Variants in ADGRL3 observed in about 807,000 individuals in gnomAD.
ADGRL3 encodes the protein adhesion G protein-coupled receptor L3.
A neutral mutation model predicts 153.5 loss-of-function variants in ADGRL3; 62 were observed. The observed-to-expected ratio is 0.40, with a 90% CI of 0.33 to 0.50. The LOEUF is 0.50. Among genes scored for constraint, ADGRL3 ranks in the 20% least tolerant of loss-of-function variants. The probability of loss-of-function intolerance (pLI) is 0.47; values close to 1 mark genes in which losing one functional copy is unlikely to be tolerated. For synonymous variants in ADGRL3, 710 were observed against 672.5 expected (o/e 1.06, Z -0.86); for missense variants, 1,641 against 1,859.4 (o/e 0.88, Z 2.16).
At chr4:61,481,441 C>CT in intron 2 of ADGRL3, among the ~76,000 whole-genome samples, 1 of 152,054 alleles carries the variant, frequency 6.6e-6, no homozygotes, top group South Asian at 2.1e-4. Flanking sequence ...TGTACATGTC[C>CT]TTCATGTGGG....
Position 61,727,750 on chromosome 4 carries a change from A to G in ADGRL3, c.584-2872A>G, listed in dbSNP as rs1470437967. 2.0e-5 allele frequency among the ~76,000 whole-genome samples: 3 copies of G among 152,278 alleles called. No homozygotes were observed. The East Asian group carries it at 5.8e-4, about 29-fold the overall frequency. On this transcript the variant is annotated intron_variant, in intron 6 of 26. Transcript: ENST00000683033. ...GCTTATAAATTTTACTTTCTTCCCC[A>G]CCCATTAAAATACACAGACATTATG...
chr4:61,326,367 A>G (rs964944687), intron 1 of ADGRL3, among the ~76,000 whole-genome samples: 14 of 152,068 alleles, frequency 9.2e-5, no homozygotes, highest in African/African-American at 3.4e-4. Flanking sequence ...AGATCTTTCA[A>G]TATAAAAAAG....
At position 62,039,706 on chromosome 4, in the gene ADGRL3, GC is replaced by G. The variant is rs1171777427; in HGVS notation, c.3717+1854del. Among the ~76,000 whole-genome samples, 61 of 152,072 alleles carry G rather than the reference GC, an allele frequency of 4.0e-4. 2 individuals carry two copies. Among genetic ancestry groups the G allele is most frequent in the Non-Finnish European group, 1.2e-4 (8 of 67,994 alleles). ...GACCAGGATGATGCTTATAGCATGA[GC>G]CCCTTTTATAATTAATGCCTTTATT... On this transcript the variant is annotated intron_variant, in intron 24 of 26. Transcript: ENST00000683033.
chr4:62,061,520 T>C (rs77882129), intron 25 of ADGRL3, among the ~76,000 whole-genome samples: 4,326 of 152,048 alleles, frequency 0.028, 143 homozygotes, highest in East Asian at 0.14. Context: ...AGTAAGTTCA[T>C]GTTTACACCA....
chr4:61,909,935 T>A (rs2149815862), intron 12 of ADGRL3, among the ~76,000 whole-genome samples, 190 bp downstream of exon 12: 1 of 152,256 alleles, frequency 6.6e-6, no homozygotes, highest in South Asian at 2.1e-4. Flanking sequence ...CTGTGGTTCT[T>A]AATCTAAAGA....
intron 1 of ADGRL3, among the ~76,000 whole-genome samples, chr4:61,304,336 GTT>G (rs928796499): frequency 3.3e-5 from 5 of 152,210 alleles, no homozygotes; most frequent in African/African-American, 1.2e-4. Context: ...CTCTCTATGT[GTT>G]TAAGATTGTG....
At chr4:61,379,299 A>T (rs978279277) in intron 1 of ADGRL3, among the ~76,000 whole-genome samples, 2 of 152,128 alleles carry the variant, frequency 1.3e-5, no homozygotes, top group East Asian at 3.9e-4. Flanking sequence ...CTATTTTCAG[A>T]TCATTGATTC....
At chr4:61,493,957 A>T (rs2098284012) in intron 2 of ADGRL3, among the ~76,000 whole-genome samples, 1 of 152,108 alleles carries the variant, frequency 6.6e-6, no homozygotes, top group African/African-American at 2.4e-5. Context: ...TGCTTTATAT[A>T]TTTATATGGA....
At chr4:61,394,139 A>T (rs1297960883) in intron 2 of ADGRL3, among the ~76,000 whole-genome samples, 2 of 152,112 alleles carry the variant, frequency 1.3e-5, no homozygotes. Context: ...TTTATTATAG[A>T]ATAATGAATA....
rs557137610 is a variant in ADGRL3, at chr4:61,885,423, G to T, written c.1481-7233G>T. Among the ~76,000 whole-genome samples the T allele has an allele frequency of 3.3e-5, 5 of 152,226 alleles. No individual in the cohort carries two copies. In the South Asian group the frequency reaches 1.0e-3, roughly 32 times the overall value. ...TCTACTTATGAATTTGTAACCTTTG[G>T]AGAATTACTGAATCTCTTCGAGACT... On this transcript the variant is annotated intron_variant, in intron 9 of 26. Transcript: ENST00000683033.
intron 5 of ADGRL3, among the ~76,000 whole-genome samples, chr4:61,596,327 G>T (rs1399450105): frequency 6.6e-6 from 1 of 152,102 alleles, no homozygotes; most frequent in African/African-American, 2.4e-5. Context: ...ATATAACTGA[G>T]TACTGTATAA....
At chr4:61,745,906 C>T (rs1193907462) in intron 8 of ADGRL3, among the ~76,000 whole-genome samples, 5 of 152,170 alleles carry the variant, frequency 3.3e-5, no homozygotes, top group African/African-American at 1.2e-4. Context: ...TTAAAAGACA[C>T]AGACTGGCAA....
chr4:61,640,521 A>G (rs112898587), intron 5 of ADGRL3, among the ~76,000 whole-genome samples: 60 of 152,262 alleles, frequency 3.9e-4, no homozygotes, highest in African/African-American at 1.4e-3. Context: ...ACACATTATC[A>G]TAAGCCTTTT....
rs59493391 is a variant in ADGRL3 at position 62,039,106 on chromosome 4, G to A, written c.3717+1250G>A. 0.012 allele frequency among the ~76,000 whole-genome samples: 1,852 copies of A among 152,142 alleles called. 212 individuals are homozygous for A. In the East Asian group the frequency reaches 0.29, roughly 24 times the overall value. ...TGGTTATTTTATATAAAATAAGAGTGATTGCTTCATTTTTTATTTGATGGA... is the reference window on the plus strand; with the variant it reads ...TGGTTATTTTATATAAAATAAGAGTAATTGCTTCATTTTTTATTTGATGGA... On this transcript the variant is annotated intron_variant, in intron 24 of 26. Transcript: ENST00000683033.
chr4:61,353,219 A>G (rs1393618957), intron 1 of ADGRL3, among the ~76,000 whole-genome samples: 1 of 152,142 alleles, frequency 6.6e-6, no homozygotes, highest in Admixed American at 6.5e-5. Flanking sequence ...AGGTACACAT[A>G]TATTTATGTG....
At chr4:61,211,140 C>T (rs527510084) in intron 1 of ADGRL3, among the ~76,000 whole-genome samples, 99 of 152,198 alleles carry the variant, frequency 6.5e-4, no homozygotes, top group Admixed American at 1.4e-3. Flanking sequence ...TGGGTGTTTT[C>T]ACTATTTCTC....
intron 2 of ADGRL3, among the ~76,000 whole-genome samples, chr4:61,496,914 CG>C (rs1201578194): frequency 6.7e-6 from 1 of 149,388 alleles, no homozygotes. Context: ...GCACTCCAGC[CG>C]GGGCGACAGA....
intron 19 of ADGRL3, among the ~76,000 whole-genome samples, chr4:61,985,986 G>A (rs2099084212): frequency 6.7e-6 from 1 of 149,446 alleles, no homozygotes; most frequent in Non-Finnish European, 1.5e-5. Flanking sequence ...GGTTGATATA[G>A]GTTTGTTTTT....
chr4:61,924,170 A>G (rs1174081803), intron 13 of ADGRL3, among the ~76,000 whole-genome samples: 4 of 152,088 alleles, frequency 2.6e-5, no homozygotes, highest in African/African-American at 7.2e-5. Flanking sequence ...TACTTGATCA[A>G]TTAGAAACAT....
Sources: allele counts gnomAD v4.1 joint callset (sites outside exome capture counted in the v4.1 genomes callset), GRCh38; gene constraint gnomAD v4.1.1; transcripts MANE v1.5; gene names NCBI Gene and HGNC (gene_info 2026-07-23, HGNC 2026-07-21).